Variants in GRIP1 observed in about 807,000 individuals in gnomAD.
The protein encoded by GRIP1 is glutamate receptor-interacting protein 1.
A neutral mutation model predicts 129.9 loss-of-function variants in GRIP1; 45 were observed. The observed-to-expected ratio is 0.35, with a 90% CI of 0.27 to 0.44. GRIP1 has a LOEUF of 0.44. Ranked by LOEUF, GRIP1 falls within the 20% of genes least tolerant of loss-of-function variation. GRIP1 has a pLI of 1.00. For missense variants in GRIP1, 1,196 were observed against 1,396.8 expected (o/e 0.86, Z 2.29); for synonymous variants, 530 against 520.8 (o/e 1.02, Z -0.24).
chr12:66,937,004 T>C (rs1479938041), intron 1 of GRIP1, among the ~76,000 whole-genome samples: 2 of 152,196 alleles, frequency 1.3e-5, no homozygotes, highest in African/African-American at 4.8e-5. Flanking sequence ...ACTGCTTCCA[T>C]TAATCATCTA....
Position 66,975,817 on chromosome 12 carries a change from T to C in GRIP1, c.58+93233A>G, listed in dbSNP as rs896165669. Among the ~76,000 whole-genome samples the C allele has an allele frequency of 2.0e-5, 3 of 152,142 alleles. No individual in the cohort carries two copies. In the South Asian group the frequency reaches 6.2e-4, roughly 32 times the overall value. On this transcript the variant is annotated intron_variant, in intron 1 of 1. Transcript: ENST00000643019. ...GTTGCAAATGTGTTTTGGTCTGTAG[T>C]AGTCAATGGACACAGATGAATGATA...
At chr12:66,548,304 G>T (rs867728501) in intron 2 of GRIP1, among the ~76,000 whole-genome samples, 1 of 152,286 alleles carries the variant, frequency 6.6e-6, no homozygotes, top group South Asian at 2.1e-4. Context: ...GACACTAAAG[G>T]CTCTGTGGAC....
chr12:66,966,157 T>C (rs1317432060), intron 1 of GRIP1, among the ~76,000 whole-genome samples: 1 of 152,202 alleles, frequency 6.6e-6, no homozygotes, highest in Non-Finnish European at 1.5e-5. Flanking sequence ...AAAGAATTGC[T>C]GTATTCCAGA....
chr12:66,880,937 A>G (rs183534929), intron 1 of GRIP1, among the ~76,000 whole-genome samples: 1 of 151,794 alleles, frequency 6.6e-6, no homozygotes, highest in East Asian at 1.9e-4. Flanking sequence ...AGTTCTCACC[A>G]GTCAGCAGCT....
intron 1 of GRIP1, among the ~76,000 whole-genome samples, chr12:66,658,717 C>T (rs764338235): frequency 2.4e-4 from 36 of 151,984 alleles, no homozygotes; most frequent in Non-Finnish European, 4.4e-4. Context: ...GAGACCTGGG[C>T]AACACAGGGA....
chr12:66,624,358 C>T (rs1007949037), intron 1 of GRIP1, among the ~76,000 whole-genome samples: 4 of 151,982 alleles, frequency 2.6e-5, no homozygotes, highest in East Asian at 1.9e-4. Context: ...TACAATTTCA[C>T]GTCAAAATGT....
intron 19 of GRIP1, among the ~76,000 whole-genome samples, chr12:66,382,349 G>A (rs185677792): frequency 6.6e-6 from 1 of 152,204 alleles, no homozygotes; most frequent in African/African-American, 2.4e-5. Context: ...AAAAGACCCT[G>A]TCTCAAAAAT....
At chr12:66,614,474 C>T (rs2064950774) in intron 1 of GRIP1, among the ~76,000 whole-genome samples, 1 of 152,078 alleles carries the variant, frequency 6.6e-6, no homozygotes, top group Non-Finnish European at 1.5e-5. Flanking sequence ...GTTCTGTATG[C>T]TCTTCCTTAG....
At chr12:66,527,238 GC>G (rs755008336) in intron 5 of GRIP1, among the ~76,000 whole-genome samples, 42 of 151,062 alleles carry the variant, frequency 2.8e-4, no homozygotes, top group Non-Finnish European at 5.7e-4. Flanking sequence ...TATGTTTATT[GC>G]GGCACTATTC....
chr12:66,795,944 T>C (rs1179402685), intron 1 of GRIP1, among the ~76,000 whole-genome samples: 1 of 152,194 alleles, frequency 6.6e-6, no homozygotes, highest in Non-Finnish European at 1.5e-5. Context: ...TAGTATCCTC[T>C]GATGACATGG....
chr12:66,607,344 A>C (rs1288035743), intron 1 of GRIP1, among the ~76,000 whole-genome samples: 2 of 152,186 alleles, frequency 1.3e-5, no homozygotes, highest in Non-Finnish European at 2.9e-5. Flanking sequence ...AATCTGGCTG[A>C]ATTTATTTCT....
intron 1 of GRIP1, among the ~76,000 whole-genome samples, chr12:67,017,643 AG>A (rs2042807688): frequency 6.6e-6 from 1 of 152,178 alleles, no homozygotes; most frequent in African/African-American, 2.4e-5. Flanking sequence ...CTTGACCAAG[AG>A]AATGCACTGG....
intron 2 of GRIP1, among the ~76,000 whole-genome samples, chr12:66,543,029 A>C (rs887061432): frequency 1.2e-4 from 19 of 152,252 alleles, no homozygotes; most frequent in African/African-American, 3.9e-4. Flanking sequence ...AAATATTTAT[A>C]AATGTGTATC....
Position 66,644,521 on chromosome 12 carries a change from A to G in GRIP1, c.55+34329T>C, listed in dbSNP as rs192810258. Among the ~76,000 whole-genome samples, 768 of 152,344 alleles carry G rather than the reference A, an allele frequency of 5.0e-3. 13 individuals are homozygous for G. The highest frequency in any genetic ancestry group is 5.3e-3 in the Non-Finnish European group (360 of 68,028). Reference sequence around the variant, plus strand: ...CCTCAAAAGAAGATTGAAAATCCTTATCAGGAAAACCAGCAGTATTATTGA... The same window carrying G: ...CCTCAAAAGAAGATTGAAAATCCTTGTCAGGAAAACCAGCAGTATTATTGA... On this transcript the variant is annotated intron_variant, in intron 1 of 24. Coordinates refer to ENST00000359742, the MANE Select transcript of GRIP1 (RefSeq NM_001366722.1).
intron 1 of GRIP1, among the ~76,000 whole-genome samples, chr12:66,905,500 T>C (rs1185529216): frequency 6.6e-6 from 1 of 152,232 alleles, no homozygotes; most frequent in East Asian, 1.9e-4. Context: ...TTGTTAGGAA[T>C]ACATGGTTTA....
intron 1 of GRIP1, among the ~76,000 whole-genome samples, chr12:67,024,665 G>A (rs956681528): frequency 9.9e-5 from 15 of 152,106 alleles, no homozygotes; most frequent in African/African-American, 1.9e-4. Context: ...TATTACGACC[G>A]TGATCATTTC....
intron 1 of GRIP1, among the ~76,000 whole-genome samples, chr12:67,044,788 A>G (rs1397166102): frequency 1.3e-5 from 2 of 152,218 alleles, no homozygotes; most frequent in African/African-American, 2.4e-5. Flanking sequence ...TACAAAATAT[A>G]TGCTCTGGGT....
chr12:66,385,705 G>T (rs2056329575), intron 19 of GRIP1, among the ~76,000 whole-genome samples: 1 of 151,968 alleles, frequency 6.6e-6, no homozygotes, highest in Non-Finnish European at 1.5e-5. Context: ...CACTTCCCAG[G>T]TTCAAGCAAT....
chr12:66,446,708 C>T (rs1185248632), intron 11 of GRIP1, among the ~76,000 whole-genome samples: 2 of 152,118 alleles, frequency 1.3e-5, no homozygotes, highest in African/African-American at 4.8e-5. Context: ...TTGTCCTCTG[C>T]CTCTTTGCCA....
Sources: allele counts gnomAD v4.1 joint callset (sites outside exome capture counted in the v4.1 genomes callset), GRCh38; gene constraint gnomAD v4.1.1; transcripts MANE v1.5; gene names NCBI Gene and HGNC (gene_info 2026-07-23, HGNC 2026-07-21).